The following KCNJ6 variants were observed in gnomAD, a reference collection of about 807,000 sequenced individuals.
The protein encoded by KCNJ6 is potassium inwardly rectifying channel subfamily J member 6, also known as G protein-activated inward rectifier potassium channel 2.
Under a neutral mutation model 34.2 loss-of-function variants are expected in KCNJ6, and 9 were observed. The ratio of observed to expected loss-of-function variants is 0.26; its 90% CI spans 0.16 to 0.46. The LOEUF (loss-of-function observed/expected upper bound fraction) is 0.46, where lower values mean the gene tolerates loss of function less well. Among genes scored for constraint, KCNJ6 ranks in the 20% least tolerant of loss-of-function variants. The pLI, the probability that KCNJ6 is intolerant of heterozygous loss-of-function variation, is 1.00. For missense variants in KCNJ6, 236 were observed against 531.3 expected (o/e 0.44, Z 5.46); for synonymous variants, 196 against 207.1 (o/e 0.95, Z 0.46).
Position 37,649,157 on chromosome 21 carries a change from A to AAAAAAAAAAAAAC in KCNJ6, c.947-23674_947-23673insGTTTTTTTTTTTT, listed in dbSNP as rs755535850. On this transcript the variant is annotated intron_variant, in intron 3 of 3. Transcript: ENST00000609713. ...CAAAAAAAAAAAAAAAAAAAAAAGAAAGAAAAAGAAAGGGAGTTTATAAAT... is the reference window on the plus strand; with the variant it reads ...CAAAAAAAAAAAAAAAAAAAAAAGAAAAAAAAAAAAAACAGAAAAAGAAAGGGAGTTTATAAAT... Among the ~76,000 whole-genome samples the AAAAAAAAAAAAAC allele has an allele frequency of 6.0e-5, 8 of 134,020 alleles. 1 individual carries two copies. Among genetic ancestry groups the AAAAAAAAAAAAAC allele is most frequent in the East Asian group, 2.5e-4 (1 of 4,056 alleles). The allele number at this position is 134,020 out of a possible 152,430, so 87.9% of individuals were successfully genotyped here. A position where few individuals can be genotyped will look rare whatever the true frequency, so the allele number is the denominator to read the frequency against.
At position 37,622,197 on chromosome 21, in the gene KCNJ6, A is replaced by G. The variant is rs2054291923; in HGVS notation, c.*2962T>C. ...CTCAAATACATTAACCAAACAGACC[A>G]AAGGATCTAGTTGAGAGTGATCTTC... On this transcript the variant is annotated 3_prime_UTR_variant, in exon 4 of 4. Coordinates refer to ENST00000609713, the MANE Select transcript of KCNJ6 (RefSeq NM_002240.5). 1 of 152,240 alleles carries G rather than the reference A, an allele frequency of 6.6e-6. No individual in the cohort carries two copies. Among genetic ancestry groups the G allele is most frequent in the African/African-American group, 2.4e-5 (1 of 41,466 alleles). 9.4% of individuals were successfully genotyped at this position (152,240 alleles called of 1,614,324 possible).
At chr21:37,728,217 C>T (rs2054865478) in intron 2 of KCNJ6, among the ~76,000 whole-genome samples, 1 of 152,158 alleles carries the variant, frequency 6.6e-6, no homozygotes, top group Admixed American at 6.5e-5. Flanking sequence ...AGGACAAGTA[C>T]TATATGATTT....
chr21:37,643,824 T>G (rs2054392022), intron 3 of KCNJ6, among the ~76,000 whole-genome samples: 1 of 152,014 alleles, frequency 6.6e-6, no homozygotes, highest in Admixed American at 6.6e-5. Context: ...GAGAAAGAAG[T>G]TTAGACCTAA....
Position 37,830,457 on chromosome 21 carries a change from T to C in KCNJ6, c.25+10201A>G, listed in dbSNP as rs79896958. Among the ~76,000 whole-genome samples the C allele has an allele frequency of 8.2e-3, 1,253 of 152,290 alleles. 23 individuals are homozygous for C. The highest frequency in any genetic ancestry group is 0.029 in the African/African-American group (1,191 of 41,550). ...TGACTTTGCTCCCCCAGGGAAAATT[T>C]AGACATGTCTGAAGTCACCTTGTTG... On this transcript the variant is annotated intron_variant, in intron 2 of 3. Coordinates refer to ENST00000609713, the MANE Select transcript of KCNJ6 (RefSeq NM_002240.5).
At chr21:37,845,092 G>A (rs2055499974) in intron 1 of KCNJ6, among the ~76,000 whole-genome samples, 2 of 152,094 alleles carry the variant, frequency 1.3e-5, no homozygotes, top group African/African-American at 2.4e-5. Context: ...TTACTCCCGC[G>A]GAAGTCAGCA....
At chr21:37,905,232 G>A (rs1012278818) in intron 1 of KCNJ6, among the ~76,000 whole-genome samples, 1 of 152,178 alleles carries the variant, frequency 6.6e-6, no homozygotes, top group Non-Finnish European at 1.5e-5. Context: ...CTTGCCTTCT[G>A]ATCAGTGTCC....
chr21:37,772,418 C>T (rs1398172104), intron 2 of KCNJ6, among the ~76,000 whole-genome samples: 1 of 152,092 alleles, frequency 6.6e-6, no homozygotes, highest in African/African-American at 2.4e-5. Context: ...TTGCAGATTA[C>T]AGCAGATGGA....
chr21:37,662,840 T>G (rs2054496246), intron 3 of KCNJ6, among the ~76,000 whole-genome samples: 1 of 152,184 alleles, frequency 6.6e-6, no homozygotes, highest in Non-Finnish European at 1.5e-5. Context: ...GGTTTTGGAT[T>G]TGCATTTCTT....
intron 2 of KCNJ6, among the ~76,000 whole-genome samples, chr21:37,770,442 C>T (rs1308096520): frequency 6.6e-6 from 1 of 151,952 alleles, no homozygotes; most frequent in Non-Finnish European, 1.5e-5. Flanking sequence ...TAATATACCA[C>T]TTGAGGTGAT....
At chr21:37,735,392 A>G (rs2054907615) in intron 2 of KCNJ6, among the ~76,000 whole-genome samples, 1 of 152,276 alleles carries the variant, frequency 6.6e-6, no homozygotes, top group East Asian at 1.9e-4. Flanking sequence ...GGGTTTGCAA[A>G]TGGAATCATT....
chr21:37,672,775 T>TTC (rs1157616779), intron 3 of KCNJ6, among the ~76,000 whole-genome samples: 7 of 151,734 alleles, frequency 4.6e-5, no homozygotes, highest in Non-Finnish European at 8.8e-5. Flanking sequence ...TCTTTCTTTC[T>TTC]TCTCTCTCTC....
At chr21:37,706,980 A>G (rs1364281423) in intron 3 of KCNJ6, among the ~76,000 whole-genome samples, 3 of 152,250 alleles carry the variant, frequency 2.0e-5, no homozygotes, top group Non-Finnish European at 2.9e-5. Context: ...GGAGTAATCT[A>G]CATTCATGTC....
chr21:37,771,498 A>G (rs1227153449), intron 2 of KCNJ6, among the ~76,000 whole-genome samples: 1 of 152,172 alleles, frequency 6.6e-6, no homozygotes, highest in African/African-American at 2.4e-5. Flanking sequence ...ATCTCTTACT[A>G]TATTTCTCCT....
intron 2 of KCNJ6, among the ~76,000 whole-genome samples, chr21:37,723,151 G>A (rs989122277): frequency 2.6e-5 from 4 of 152,158 alleles, no homozygotes; most frequent in Non-Finnish European, 5.9e-5. Context: ...AGACATACAA[G>A]TGGTCAACAA....
rs59026391 is a variant in KCNJ6, at chr21:37,661,614, G to GTTTTTTTTTTTTTTTTTTTTTTT, written c.947-36153_947-36131dup. ...TCCACCCATTTCCTTAAGAGACATA[G>GTTTTTTTTTTTTTTTTTTTTTTT]TTTTTTTTTTTTTTTTTTTTTTTTT... On this transcript the variant is annotated intron_variant, in intron 3 of 3. Transcript: ENST00000609713. 3.9e-4 allele frequency among the ~76,000 whole-genome samples: 28 copies of GTTTTTTTTTTTTTTTTTTTTTTT among 71,196 alleles called. 7 individuals carry two copies. The highest frequency in any genetic ancestry group is 6.4e-4 in the African/African-American group (12 of 18,704). 46.7% of individuals were successfully genotyped at this position (71,196 alleles called of 152,430 possible). A position where few individuals can be genotyped will look rare whatever the true frequency, so the allele number is the denominator to read the frequency against.
chr21:37,699,664 T>C (rs915541075), intron 3 of KCNJ6, among the ~76,000 whole-genome samples: 1 of 152,198 alleles, frequency 6.6e-6, no homozygotes, highest in African/African-American at 2.4e-5. Context: ...TCTGTTGGAC[T>C]AGACCCACTT....
intron 2 of KCNJ6, among the ~76,000 whole-genome samples, chr21:37,811,274 C>A (rs2055321285): frequency 1.3e-5 from 2 of 152,152 alleles, no homozygotes; most frequent in Admixed American, 6.5e-5. Context: ...TTATAATATC[C>A]TTTATAACAA....
chr21:37,883,746 G>A (rs2055721476), intron 1 of KCNJ6, among the ~76,000 whole-genome samples: 1 of 152,204 alleles, frequency 6.6e-6, no homozygotes, highest in Non-Finnish European at 1.5e-5. Flanking sequence ...TTGGACAACT[G>A]TGTTCAAAAT....
chr21:37,857,717 CCT>C (rs1334494965), intron 1 of KCNJ6, among the ~76,000 whole-genome samples: 1 of 152,150 alleles, frequency 6.6e-6, no homozygotes, highest in Non-Finnish European at 1.5e-5. Flanking sequence ...AAAGAAATCC[CCT>C]GTTTCATGAG....
Sources: gnomAD v4.1 joint callset for allele counts (sites outside exome capture counted in the v4.1 genomes callset) on GRCh38, gnomAD v4.1.1 for gene constraint, MANE v1.5 for transcripts, NCBI Gene and HGNC (gene_info 2026-07-23, HGNC 2026-07-21) for gene names.